The following ACTN2 variants were observed in gnomAD, a reference collection of about 807,000 sequenced individuals.
ACTN2 encodes the protein actinin alpha 2, also known as alpha-actinin-2.
Under a neutral mutation model 113.8 loss-of-function variants are expected in ACTN2, and 39 were observed. The ratio of observed to expected loss-of-function variants is 0.34; its 90% CI spans 0.27 to 0.45. The LOEUF (loss-of-function observed/expected upper bound fraction) is 0.45. Ranked by LOEUF, ACTN2 falls within the 20% of genes least tolerant of loss-of-function variation. The pLI is 1.00. For synonymous variants in ACTN2, 429 were observed against 444.1 expected (o/e 0.97, Z 0.43); for missense variants, 992 against 1,177.9 (o/e 0.84, Z 2.31).
intron 1 of ACTN2, among the ~76,000 whole-genome samples, chr1:236,709,220 G>GTGTGTGTATATATATATATA (rs1275373436): frequency 1.5e-5 from 1 of 66,838 alleles, no homozygotes; most frequent in African/African-American, 6.1e-5. Flanking sequence ...ACAAATGACT[G>GTGTGTGTATATATATATATA]TATATATATA....
At chr1:236,726,156 A>T (rs1478945779) in intron 5 of ACTN2, 136 bp downstream of exon 5, 4 of 787,430 alleles carry the variant, frequency 5.1e-6, no homozygotes, top group Non-Finnish European at 8.8e-6. Context: ...CAGGCTGTAG[A>T]ATTCTTGATG....
At position 236,747,792 on chromosome 1, in the gene ACTN2, A is replaced by T; in HGVS notation, c.1515+17A>T. ...GCCCTAGAGGTGAAGTATTGAAGCCACTTGTTGACATGAAATCTTTTAATA... is the reference window on the plus strand; with the variant it reads ...GCCCTAGAGGTGAAGTATTGAAGCCTCTTGTTGACATGAAATCTTTTAATA... On this transcript the variant is annotated intron_variant, in intron 13 of 20. Coordinates refer to ENST00000366578, the MANE Select transcript of ACTN2 (RefSeq NM_001103.4). 6.4e-7 allele frequency: 1 copy of T among 1,561,470 alleles called. No homozygotes were observed. Among genetic ancestry groups the T allele is most frequent in the Non-Finnish European group, 8.8e-7 (1 of 1,133,264 alleles).
In ACTN2 at chr1:236,739,382, G is replaced by A. The variant is rs1658998435; in HGVS notation, c.957G>A (p.Lys319=). The change falls in exon 10 of 21, where the codon AAG becomes AAA. Residue 319 remains lysine (K), a synonymous_variant. Transcript: ENST00000366578. ...AGACCATGCAAGCCATGCAGAAGAA[G>A]CTGGAGGACTTCCGGGATTACCGCC... is the stretch of plus-strand genomic sequence containing the variant. ...PEKTMQAMQK[K]LEDFRDYRRK... 1 of 1,614,022 alleles carries A rather than the reference G, an allele frequency of 6.2e-7. No individual in the cohort carries two copies. Among genetic ancestry groups the A allele is most frequent in the South Asian group, 1.1e-5 (1 of 91,066 alleles).
intron 19 of ACTN2, among the ~76,000 whole-genome samples, chr1:236,760,490 G>A (rs531104455): frequency 5.3e-5 from 8 of 152,294 alleles, no homozygotes; most frequent in African/African-American, 1.4e-4. Flanking sequence ...AGGTTTAGTC[G>A]TAAATCAGCC....
In ACTN2 at chr1:236,754,184, C is replaced by A; in HGVS notation, c.1974+103C>A. 6.8e-7 allele frequency: 1 copy of A among 1,473,050 alleles called. No homozygotes were observed. Among genetic ancestry groups the A allele is most frequent in the South Asian group, 1.1e-5 (1 of 87,480 alleles). The allele number at this position is 1,473,050 out of a possible 1,614,324, so 91.2% of individuals were successfully genotyped here. ...ATGCTGTGGTTTCCAGCCACCCACT[C>A]AGTCAGGTGGGAGCACCGTTCTGTT... On this transcript the variant is annotated intron_variant, in intron 16 of 20. Coordinates refer to ENST00000366578, the MANE Select transcript of ACTN2 (RefSeq NM_001103.4). This position sits in a 1 kb window ranked among gnomAD's most constrained non-coding sequence, Gnocchi z 4.9.
At chr1:236,746,905 G>A (rs932320286) in intron 12 of ACTN2, among the ~76,000 whole-genome samples, 4 of 152,118 alleles carry the variant, frequency 2.6e-5, no homozygotes, top group African/African-American at 7.2e-5. Context: ...CAGAAATCCC[G>A]CTATGTTAGA....
At chr1:236,704,905 G>T (rs774754821) in intron 1 of ACTN2, among the ~76,000 whole-genome samples, 49 of 152,208 alleles carry the variant, frequency 3.2e-4, no homozygotes, top group Non-Finnish European at 6.0e-4. Context: ...TCCCCACAAG[G>T]CCTGTCTGTT....
At chr1:236,719,044 C>T (rs2102895087) in intron 3 of ACTN2, 31 bp downstream of exon 3, 1 of 1,612,956 alleles carries the variant, frequency 6.2e-7, no homozygotes, top group Non-Finnish European at 8.5e-7. Context: ...TCCTGTCTGC[C>T]ACACTGACCT....
At chr1:236,742,200 C>T (rs866992309) in intron 10 of ACTN2, among the ~76,000 whole-genome samples, 2 of 151,920 alleles carry the variant, frequency 1.3e-5, no homozygotes, top group Admixed American at 6.6e-5. Flanking sequence ...TTTTCCCATA[C>T]GGCATTTTGT....
intron 9 of ACTN2, among the ~76,000 whole-genome samples, chr1:236,737,858 G>A (rs543750681): frequency 1.0e-3 from 154 of 152,260 alleles, no homozygotes; most frequent in Middle Eastern, 3.4e-3. Flanking sequence ...TAGCGACTAC[G>A]CAGTATCCTC....
rs767487999 is a variant in ACTN2, at chr1:236,755,153, G to A, written c.2109G>A (p.Gln703=). ...DKLEGDHQLI[Q]EALVFDNKHT... ...TGGAGGGAGACCATCAGCTCATCCA[G>A]GAGGCCCTTGTCTTTGACAACAAGC... The change falls in exon 17 of 21, where the codon CAG becomes CAA. Residue 703 remains glutamine, a synonymous_variant. Transcript: ENST00000366578. The A allele has an allele frequency of 3.7e-6, 6 of 1,614,170 alleles. No individual in the cohort carries two copies. In the South Asian group the frequency reaches 6.6e-5, roughly 18 times the overall value.
At chr1:236,736,088 C>T (rs1346898879) in intron 8 of ACTN2, among the ~76,000 whole-genome samples, 2 of 152,368 alleles carry the variant, frequency 1.3e-5, no homozygotes, top group South Asian at 4.1e-4. Context: ...GCCTTGTTCT[C>T]TGCTTAGAAA....
At chr1:236,740,836 C>T (rs907338283) in intron 10 of ACTN2, among the ~76,000 whole-genome samples, 11 of 151,902 alleles carry the variant, frequency 7.2e-5, no homozygotes, top group Admixed American at 2.6e-4. Context: ...GTTTTTTTGG[C>T]CCAGCTGCCC....
At chr1:236,695,626 A>G (rs1377958505) in intron 1 of ACTN2, among the ~76,000 whole-genome samples, 1 of 136,052 alleles carries the variant, frequency 7.4e-6, no homozygotes, top group Non-Finnish European at 1.5e-5. Flanking sequence ...AAGTTCATTT[A>G]TGATTCAGAG....
chr1:236,728,326 G>A (rs915905139), intron 6 of ACTN2, among the ~76,000 whole-genome samples: 3 of 152,048 alleles, frequency 2.0e-5, no homozygotes, highest in Admixed American at 2.0e-4. Flanking sequence ...TGTATTTTTA[G>A]TAGAGACGGG....
intron 12 of ACTN2, among the ~76,000 whole-genome samples, 170 bp from the exon 13 acceptor site, chr1:236,747,497 C>G (rs1659270487): frequency 6.6e-6 from 1 of 152,118 alleles, no homozygotes; most frequent in Admixed American, 6.5e-5. Flanking sequence ...CCTTCCACCC[C>G]CTCACCCTTC....
In ACTN2 at chr1:236,751,513, A is replaced by G; in HGVS notation, c.1700A>G (p.Glu567Gly). 1 of 1,614,126 alleles carries G rather than the reference A, an allele frequency of 6.2e-7. No individual in the cohort carries two copies. The highest frequency in any genetic ancestry group is 8.5e-7 in the Non-Finnish European group (1 of 1,180,016). Reference sequence around the variant, plus strand: ...GAGCAGTTCAAGGCCACGCTGCCCGAGGCGGACGGAGAGCGGCAGTCCATC... The same window carrying G: ...GAGCAGTTCAAGGCCACGCTGCCCGGGGCGGACGGAGAGCGGCAGTCCATC... ...AHEQFKATLP[E>G]ADGERQSIMA... The change falls in exon 15 of 21, where the codon GAG becomes GGG. Residue 567 changes from glutamate to glycine, a missense_variant. This residue lies in a region of ACTN2 where 736 missense variants were observed against 815.4 expected (regional missense o/e 0.90). Transcript: ENST00000366578.
intron 7 of ACTN2, chr1:236,734,549 C>T: frequency 6.9e-7 from 1 of 1,444,150 alleles, no homozygotes; most frequent in Non-Finnish European, 9.4e-7. Flanking sequence ...TCACTGCTCA[C>T]CCTTCACCTT....
At position 236,739,389 on chromosome 1, in the gene ACTN2, G is replaced by T. The variant is rs1416760371; in HGVS notation, c.964G>T (p.Asp322Tyr). ...TMQAMQKKLE[D>Y]FRDYRRKHKP... ...GCAAGCCATGCAGAAGAAGCTGGAGGACTTCCGGGATTACCGCCGGAAGCA... is the reference window on the plus strand; with the variant it reads ...GCAAGCCATGCAGAAGAAGCTGGAGTACTTCCGGGATTACCGCCGGAAGCA... Residue 322 changes from aspartate to tyrosine, a missense_variant, in exon 10 of 21, where the codon GAC becomes TAC. Physicochemically the swap from Asp to Tyr is radical, Grantham distance 160 (BLOSUM62 -3). Coordinates refer to ENST00000366578, the MANE Select transcript of ACTN2 (RefSeq NM_001103.4). The T allele has an allele frequency of 6.2e-7, 1 of 1,614,124 alleles. No individual in the cohort carries two copies. The highest frequency in any genetic ancestry group is 1.1e-5 in the South Asian group (1 of 91,060).
Sources: allele counts gnomAD v4.1 joint callset (sites outside exome capture counted in the v4.1 genomes callset), GRCh38; gene constraint gnomAD v4.1.1; regional missense constraint gnomAD v4.1.1; non-coding constraint Gnocchi (gnomAD v3.1); transcripts MANE v1.5; gene names NCBI Gene and HGNC (gene_info 2026-07-23, HGNC 2026-07-21).